Variants in FADS2 observed in about 807,000 individuals in gnomAD.
The protein encoded by FADS2 is acyl-CoA 6-desaturase.
FADS2 carries 18 observed loss-of-function variants against 61.2 expected under a neutral mutation model. That is an observed-to-expected ratio of 0.29 (90% CI 0.20 to 0.44). FADS2 has a LOEUF of 0.44. Among genes scored for constraint, FADS2 ranks in the 20% least tolerant of loss-of-function variants. FADS2 has a pLI of 1.00. For synonymous variants in FADS2, 203 were observed against 223.9 expected, an observed-to-expected ratio of 0.91 and a Z score of 0.83; for missense variants, 322 against 572.7, an observed-to-expected ratio of 0.56 and a Z score of 4.47.
At chr11:61,831,890 A>G (rs998183388) in intron 1 of FADS2, among the ~76,000 whole-genome samples, 1 of 151,746 alleles carries the variant, frequency 6.6e-6, no homozygotes, top group South Asian at 2.1e-4. Context: ...AGGAACCCTC[A>G]CCCGCGCCCT....
chr11:61,825,596 C>T (rs537637996), upstream of FADS2, among the ~76,000 whole-genome samples: 7 of 144,710 alleles, frequency 4.8e-5, 1 homozygote, highest in South Asian at 8.7e-4. Flanking sequence ...CCAGCCTGGG[C>T]GACAGAGTGA....
chr11:61,833,247 G>C (rs993847489), intron 1 of FADS2, among the ~76,000 whole-genome samples: 2 of 152,096 alleles, frequency 1.3e-5, no homozygotes, highest in Admixed American at 6.5e-5. Flanking sequence ...AAAGTCTCTG[G>C]CTTCTCTCCC....
At chr11:61,837,716 C>A in intron 1 of FADS2, 62 bp from the exon 2 acceptor site, 1 of 1,201,598 alleles carries the variant, frequency 8.3e-7, no homozygotes, top group Non-Finnish European at 1.2e-6. Flanking sequence ...CACTGTCCTC[C>A]TTGGGGCCCA....
In FADS2 at chr11:61,833,667, C is replaced by G. The variant is rs184125269; in HGVS notation, c.208-4111C>G. Among the ~76,000 whole-genome samples the G allele has an allele frequency of 1.0e-4, 16 of 152,386 alleles. No individual in the cohort carries two copies. In the East Asian group the frequency reaches 2.5e-3, roughly 24 times the overall value. ...ATGCCTGGCTGATGTATGCAAGCCACTCCCATGGCCCCGTGGCTCGCCTGC... is the reference window on the plus strand; with the variant it reads ...ATGCCTGGCTGATGTATGCAAGCCAGTCCCATGGCCCCGTGGCTCGCCTGC... On this transcript the variant is annotated intron_variant, in intron 1 of 11. Coordinates refer to ENST00000278840, the MANE Select transcript of FADS2 (RefSeq NM_004265.4).
In FADS2 at chr11:61,848,221, C is replaced by T; in HGVS notation, c.681C>T (p.Phe227=). The T allele has an allele frequency of 6.2e-7, 1 of 1,614,244 alleles. No individual in the cohort carries two copies. The highest frequency in any genetic ancestry group is 8.5e-7 in the Non-Finnish European group (1 of 1,180,046). Residue 227 remains phenylalanine (F), a synonymous_variant, in exon 5 of 12, where the codon TTC becomes TTT. Coordinates refer to ENST00000278840, the MANE Select transcript of FADS2 (RefSeq NM_004265.4). ...HFQHHAKPNI[F]HKDPDVNMLH... Reference sequence around the variant, plus strand: ...AGCACCACGCCAAGCCTAACATCTTCCACAAGGATCCCGATGTGAACATGC... The same window carrying T: ...AGCACCACGCCAAGCCTAACATCTTTCACAAGGATCCCGATGTGAACATGC...
chr11:61,828,096 G>C, upstream of FADS2: 13 of 1,297,158 alleles, frequency 1.0e-5, no homozygotes, highest in Non-Finnish European at 1.3e-5. The surrounding 1 kb of genome is among the most constrained non-coding windows in gnomAD (Gnocchi z 6.4). Flanking sequence ...TGAGCTCCCG[G>C]GGAGTTTTTA....
intron 5 of FADS2, among the ~76,000 whole-genome samples, chr11:61,853,290 C>CCCTTCCTCCCTTCCTTCCTTCCTTCCTT (rs1565334572): frequency 2.4e-5 from 2 of 81,690 alleles, no homozygotes; most frequent in Non-Finnish European, 4.4e-5. Flanking sequence ...CTCCCTCCCT[C>CCCTTCCTCCCTTCCTTCCTTCCTTCCTT]CCTTCCTTCC....
chr11:61,823,893 C>G (rs1211241747), upstream of FADS2, among the ~76,000 whole-genome samples: 1 of 152,114 alleles, frequency 6.6e-6, no homozygotes, highest in East Asian at 1.9e-4. Flanking sequence ...AAGTTGATGC[C>G]ATTTTTGTTG....
chr11:61,854,291 G>A (rs1213596383), intron 5 of FADS2: 1 of 152,268 alleles, frequency 6.6e-6, no homozygotes, highest in Non-Finnish European at 1.5e-5. Flanking sequence ...TGTTGAGTGA[G>A]TCTGTGGACC....
upstream of FADS2, among the ~76,000 whole-genome samples, chr11:61,824,517 A>AAG (rs2067065643): frequency 9.0e-6 from 1 of 111,586 alleles, no homozygotes; most frequent in African/African-American, 3.0e-5. Context: ...GAAAGAAAGA[A>AAG]AGAAAGAAAG....
chr11:61,848,181 A>G lies in FADS2; in HGVS notation c.641A>G (p.Asn214Ser), dbSNP rs1159656200. The change falls in exon 5 of 12, where the codon AAT (asparagine) becomes AGT (serine). Residue 214 changes from asparagine (N) to serine (S), a missense_variant. Physicochemically the swap from Asn to Ser is conservative, Grantham distance 46. Coordinates refer to ENST00000278840, the MANE Select transcript of FADS2 (RefSeq NM_004265.4). Reference protein sequence around the residue: ...HLKGASANWWNHRHFQHHAKP... With the variant: ...HLKGASANWWSHRHFQHHAKP... ...CAGGGTGCCTCTGCCAACTGGTGGAATCATCGCCACTTCCAGCACCACGCC... is the reference window on the plus strand; with the variant it reads ...CAGGGTGCCTCTGCCAACTGGTGGAGTCATCGCCACTTCCAGCACCACGCC... 6.2e-7 allele frequency: 1 copy of G among 1,614,180 alleles called. No homozygotes were observed.
At chr11:61,862,878 G>A in intron 7 of FADS2, 94 bp from the exon 8 acceptor site, 1 of 952,750 alleles carries the variant, frequency 1.0e-6, no homozygotes, top group South Asian at 1.3e-5. Context: ...GCTTCTAGAG[G>A]CCTGAGTGTG....
intron 4 of FADS2, among the ~76,000 whole-genome samples, chr11:61,843,173 TA>T (rs2067230287): frequency 6.6e-6 from 1 of 152,238 alleles, no homozygotes; most frequent in African/African-American, 2.4e-5. Context: ...CTCACGCCTA[TA>T]ACCTCAGCGC....
chr11:61,828,296 G>C (rs375850052), upstream of FADS2: 30 of 1,503,554 alleles, frequency 2.0e-5, no homozygotes, highest in East Asian at 4.9e-4. The surrounding 1 kb of genome is among the most constrained non-coding windows in gnomAD (Gnocchi z 6.4). Context: ...AAGAGGGCCC[G>C]GGCTGCACAC....
At chr11:61,825,043 T>G (rs1258583990), upstream of FADS2, among the ~76,000 whole-genome samples, 1 of 151,472 alleles carries the variant, frequency 6.6e-6, no homozygotes, top group Non-Finnish European at 1.5e-5. Context: ...ATACAAAAAT[T>G]ATCTGGGCAT....
intron 4 of FADS2, chr11:61,846,838 A>G (rs989166493): frequency 6.6e-6 from 1 of 152,104 alleles, no homozygotes; most frequent in African/African-American, 2.4e-5. Context: ...TCATGTTAGC[A>G]GTTGTTTGTT....
intron 1 of FADS2, among the ~76,000 whole-genome samples, chr11:61,835,040 GGGACTTCTCCCTGCC>G: frequency 4.4e-5 from 1 of 22,880 alleles, no homozygotes; most frequent in Admixed American, 1.5e-3. Flanking sequence ...TGCCTCCCCA[GGGACTTCTCCCTGCC>G]TCCCCAGGGA....
chr11:61,825,573 G>A (rs1337189402), upstream of FADS2, among the ~76,000 whole-genome samples: 2 of 149,604 alleles, frequency 1.3e-5, no homozygotes, highest in Non-Finnish European at 3.0e-5. Flanking sequence ...AGCTGAGATC[G>A]CACCACTGCA....
chr11:61,826,504 G>T (rs1420797758), upstream of FADS2: 13 of 614,834 alleles, frequency 2.1e-5, no homozygotes, highest in Non-Finnish European at 3.2e-5. Flanking sequence ...TATCTATATG[G>T]TATGTTAATC....
Sources: allele counts gnomAD v4.1 joint callset (sites outside exome capture counted in the v4.1 genomes callset), GRCh38; gene constraint gnomAD v4.1.1; non-coding constraint Gnocchi (gnomAD v3.1); transcripts MANE v1.5; gene names NCBI Gene and HGNC (gene_info 2026-07-23, HGNC 2026-07-21).